Variants in CSTPP1 observed in about 807,000 individuals in gnomAD.
CSTPP1 encodes the protein centriolar satellite-associated tubulin polyglutamylase complex regulator 1, also known as UPF0705 protein C11orf49.
the CSTPP1 span, among the ~76,000 whole-genome samples, chr11:47,092,229 A>G: frequency 6.6e-6 from 1 of 152,240 alleles, no homozygotes; most frequent in African/African-American, 2.4e-5. Flanking sequence ...TGGCTATCCC[A>G]TATCCCAGCC....
chr11:46,959,582 T>A, the CSTPP1 span, among the ~76,000 whole-genome samples: 1 of 152,206 alleles, frequency 6.6e-6, no homozygotes, highest in Non-Finnish European at 1.5e-5. Context: ...TTTTTACCTT[T>A]ACTTACTCCC....
At chr11:46,963,741 C>T in the CSTPP1 span, among the ~76,000 whole-genome samples, 2 of 150,026 alleles carry the variant, frequency 1.3e-5, no homozygotes, top group African/African-American at 2.5e-5. Context: ...GCTGAGATCA[C>T]GCCATTGCAC....
chr11:47,030,518 T>A, the CSTPP1 span, among the ~76,000 whole-genome samples: 2 of 152,372 alleles, frequency 1.3e-5, no homozygotes, highest in South Asian at 4.1e-4. Context: ...ATTTATTTAC[T>A]TATTTATTTT....
At chr11:46,985,187 G>A in the CSTPP1 span, among the ~76,000 whole-genome samples, 5 of 152,102 alleles carry the variant, frequency 3.3e-5, no homozygotes, top group South Asian at 1.0e-3. Context: ...AATGTAAACA[G>A]GTCATCCATC....
At chr11:46,987,550 G>T in the CSTPP1 span, 1 of 400,260 alleles carries the variant, frequency 2.5e-6, no homozygotes, top group Non-Finnish European at 4.5e-6. Context: ...CTGCTTGTTT[G>T]ATCTATTAGA....
the CSTPP1 span, among the ~76,000 whole-genome samples, chr11:46,972,295 A>C: frequency 6.6e-6 from 1 of 152,130 alleles, no homozygotes; most frequent in Admixed American, 6.6e-5. Context: ...TCCATGATCT[A>C]GTGAGGAGGT....
At chr11:46,955,285 T>C in the CSTPP1 span, among the ~76,000 whole-genome samples, 1 of 152,138 alleles carries the variant, frequency 6.6e-6, no homozygotes, top group Non-Finnish European at 1.5e-5. Context: ...ATTGCATCTC[T>C]TTACTTTAGG....
chr11:47,087,387 A>G, the CSTPP1 span, among the ~76,000 whole-genome samples: 4 of 152,190 alleles, frequency 2.6e-5, no homozygotes, highest in African/African-American at 7.2e-5. Context: ...ATAATACTAC[A>G]TATTCCATGT....
the CSTPP1 span, among the ~76,000 whole-genome samples, chr11:47,138,979 CAAAAAAAAAAAAAAAA>C: frequency 6.7e-3 from 273 of 40,934 alleles, 2 homozygotes; most frequent in African/African-American, 0.025. Flanking sequence ...GACTCCGTCT[CAAAAAAAAAAAAAAAA>C]AAAAAAAAAA....
chr11:47,005,537 A>G, the CSTPP1 span, among the ~76,000 whole-genome samples: 1 of 152,206 alleles, frequency 6.6e-6, no homozygotes, highest in African/African-American at 2.4e-5. Flanking sequence ...GTTAAGTAAA[A>G]TTAGTTGAGT....
At chr11:47,132,128 C>T in the CSTPP1 span, among the ~76,000 whole-genome samples, 3 of 152,266 alleles carry the variant, frequency 2.0e-5, no homozygotes, top group South Asian at 2.1e-4. Context: ...GTACCTAGCA[C>T]GTAGGGGATT....
the CSTPP1 span, among the ~76,000 whole-genome samples, chr11:47,092,791 T>C: frequency 1.3e-5 from 2 of 152,258 alleles, no homozygotes; most frequent in Admixed American, 6.5e-5. Flanking sequence ...ACATTGCACT[T>C]GGTAATGTCT....
chr11:47,008,913 C>A, the CSTPP1 span, among the ~76,000 whole-genome samples: 3 of 152,008 alleles, frequency 2.0e-5, no homozygotes, highest in Non-Finnish European at 4.4e-5. Flanking sequence ...CTCCTGTAGT[C>A]CCAGCTTCTC....
chr11:47,051,884 G>T, the CSTPP1 span: 1 of 152,158 alleles, frequency 6.6e-6, no homozygotes, highest in East Asian at 1.9e-4. Flanking sequence ...TAGAGACAGG[G>T]TTTCACCATG....
the CSTPP1 span, chr11:47,161,880 C>CA: frequency 2.0e-5 from 26 of 1,310,108 alleles, no homozygotes; most frequent in Non-Finnish European, 2.5e-5. Flanking sequence ...CCCAAGCTGA[C>CA]AGACTGTGCT....
the CSTPP1 span, among the ~76,000 whole-genome samples, chr11:46,949,584 C>T: frequency 6.6e-6 from 1 of 151,682 alleles, no homozygotes. Context: ...AAATGAGAAA[C>T]AAACTTAGAA....
the CSTPP1 span, among the ~76,000 whole-genome samples, chr11:47,003,681 A>T: frequency 6.6e-6 from 1 of 152,212 alleles, no homozygotes; most frequent in Admixed American, 6.5e-5. Flanking sequence ...CTTATCAGAA[A>T]GTGGCACAAA....
the CSTPP1 span, among the ~76,000 whole-genome samples, chr11:47,091,291 C>A: frequency 6.7e-6 from 1 of 149,522 alleles, no homozygotes; most frequent in African/African-American, 2.5e-5. Flanking sequence ...GGAGAATCAC[C>A]TGAACCCAGG....
chr11:47,142,258 G>T, the CSTPP1 span, among the ~76,000 whole-genome samples: 1 of 143,214 alleles, frequency 7.0e-6, no homozygotes, highest in African/African-American at 2.6e-5. Context: ...AAAAAAAAAA[G>T]TGTTTTTTTT....
Sources: gnomAD v4.1 joint callset for allele counts (sites outside exome capture counted in the v4.1 genomes callset) on GRCh38, gnomAD v4.1.1 for gene constraint, MANE v1.5 for transcripts, NCBI Gene and HGNC (gene_info 2026-07-23, HGNC 2026-07-21) for gene names.